Variants in DHX57 observed in about 807,000 individuals in gnomAD.
DHX57 encodes the protein putative ATP-dependent RNA helicase DHX57.
In DHX57, 105 loss-of-function variants were observed where a neutral mutation model predicts 156.2. That is an observed-to-expected ratio of 0.67 (90% confidence interval 0.57 to 0.79). The LOEUF is 0.79. Ranked by LOEUF, DHX57 falls within the 30% of genes least tolerant of loss-of-function variation. The pLI, the probability that DHX57 is intolerant of heterozygous loss-of-function variation, is 0.00. For synonymous variants in DHX57, 704 were observed against 595.6 expected (o/e 1.18, Z -2.65); for missense variants, 1,847 against 1,661.9 (o/e 1.11, Z -1.94).
At chr2:38,845,217 A>C (rs1311392363) in intron 11 of DHX57, among the ~76,000 whole-genome samples, 1 of 151,942 alleles carries the variant, frequency 6.6e-6, no homozygotes, top group Non-Finnish European at 1.5e-5. Flanking sequence ...AAACAAACAA[A>C]AAAAAACCCA....
chr2:38,833,791 G>C (rs1558378361), intron 13 of DHX57, among the ~76,000 whole-genome samples: 1 of 151,812 alleles, frequency 6.6e-6, no homozygotes, highest in African/African-American at 2.4e-5. Flanking sequence ...TTGGAGATTT[G>C]TGACAATTTG....
intron 9 of DHX57, among the ~76,000 whole-genome samples, chr2:38,849,651 C>T (rs1286212226): frequency 6.6e-6 from 1 of 152,194 alleles, no homozygotes; most frequent in Non-Finnish European, 1.5e-5. Flanking sequence ...ACGGTCTACA[C>T]CCCATGCTCC....
intron 16 of DHX57, among the ~76,000 whole-genome samples, chr2:38,824,598 C>T (rs931485487): frequency 1.8e-4 from 28 of 152,066 alleles, no homozygotes; most frequent in African/African-American, 6.3e-4. Flanking sequence ...AAGGTTTAAA[C>T]GATCCACTTA....
At chr2:38,808,926 T>C (rs377181092) in intron 21 of DHX57, among the ~76,000 whole-genome samples, 188 of 151,958 alleles carry the variant, frequency 1.2e-3, no homozygotes, top group African/African-American at 4.3e-3. Context: ...ACCTGGCCTA[T>C]TTTTAATTTC....
rs748357301 is a variant in DHX57, at chr2:38,862,235, AAG to A, written c.480_481del (p.Leu161GlyfsTer36). 6.2e-7 allele frequency: 1 copy of A among 1,613,900 alleles called. No individual in the cohort carries two copies. Among genetic ancestry groups the A allele is most frequent in the African/African-American group, 1.3e-5 (1 of 74,942 alleles). The stretch of plus-strand genomic sequence containing the variant: ...TAAGCCAGCATATTCCAAAGGATCC[AAG>A]TCGGGAACGAGGGAAGGTTCCTGTC... On this transcript the variant is annotated frameshift_variant, in exon 4 of 24. Coordinates refer to ENST00000457308, the MANE Select transcript of DHX57 (RefSeq NM_198963.3). LOFTEE classifies it high-confidence loss of function.
intron 21 of DHX57, chr2:38,810,306 GC>G: frequency 1.0e-5 from 3 of 287,934 alleles, no homozygotes; most frequent in Non-Finnish European, 2.1e-5. Context: ...CAAAGCTGGG[GC>G]CCGGCAGCCC....
Position 38,843,182 on chromosome 2 carries a change from T to C in DHX57, c.2248A>G (p.Met750Val). The C allele has an allele frequency of 1.2e-6, 2 of 1,614,166 alleles. No homozygotes were observed. Among genetic ancestry groups the C allele is most frequent in the Non-Finnish European group, 1.7e-6 (2 of 1,180,022 alleles). ...TTTGAAATCTGTTTCATGGACCGCA[T>C]ATATGGGCTCCCATCCTGTAATACA... is the stretch of plus-strand genomic sequence containing the variant. Reference protein sequence around the residue: ...RYVLQDGSPYMRSMKQISKEK... With the variant: ...RYVLQDGSPYVRSMKQISKEK... The change falls in exon 12 of 24, where the codon ATG becomes GTG. Residue 750 changes from methionine to valine, a missense_variant. Met to Val is a conservative substitution (Grantham distance 21). Coordinates refer to ENST00000457308, the MANE Select transcript of DHX57 (RefSeq NM_198963.3).
At chr2:38,855,405 C>T in intron 7 of DHX57, 153 bp from the exon 8 acceptor site, 1 of 780,388 alleles carries the variant, frequency 1.3e-6, no homozygotes, top group East Asian at 2.7e-5. Flanking sequence ...TGACTTATTA[C>T]CAAGAGGTGG....
intron 16 of DHX57, among the ~76,000 whole-genome samples, chr2:38,824,928 C>G (rs765688395): frequency 6.6e-5 from 10 of 152,146 alleles, no homozygotes; most frequent in Non-Finnish European, 1.5e-4. Context: ...GGATTACAGG[C>G]ATGAGCCACC....
At chr2:38,854,851 C>A (rs2373469) in intron 8 of DHX57, 36,355 of 462,048 alleles carry the variant, frequency 0.079, 1,666 homozygotes, top group African/African-American at 0.14. Flanking sequence ...TGTGAGCCAC[C>A]GCGCCTGGCC....
At chr2:38,839,176 C>T (rs1448461719) in intron 12 of DHX57, among the ~76,000 whole-genome samples, 2 of 151,588 alleles carry the variant, frequency 1.3e-5, no homozygotes, top group African/African-American at 2.4e-5. Flanking sequence ...GTGATCCACC[C>T]GCCTCGGCCT....
intron 21 of DHX57, among the ~76,000 whole-genome samples, chr2:38,809,443 G>C (rs1183886959): frequency 6.7e-6 from 1 of 149,216 alleles, no homozygotes; most frequent in Non-Finnish European, 1.5e-5. Context: ...GTAAAAAGAG[G>C]CTATTTCTTT....
Position 38,828,405 on chromosome 2 carries a change from T to C in DHX57, c.2574A>G (p.Ala858=). ...GAILVFLPGL[A]EIKMLYEQLQ... is the part of the protein sequence containing the mutation. ...GCTGTTCATAAAGCATTTTGATTTC[T>C]GCTAGTCCTGGTAAAAATACAAGTA... The change falls in exon 14 of 24, where the codon GCA becomes GCG. Residue 858 remains alanine (A), a synonymous_variant. Coordinates refer to ENST00000457308, the MANE Select transcript of DHX57 (RefSeq NM_198963.3). The C allele has an allele frequency of 6.2e-7, 1 of 1,613,576 alleles. No homozygotes were observed. Among genetic ancestry groups the C allele is most frequent in the South Asian group, 1.1e-5 (1 of 91,008 alleles).
chr2:38,842,661 TTCA>T (rs1672069094), intron 12 of DHX57, among the ~76,000 whole-genome samples: 1 of 151,760 alleles, frequency 6.6e-6, no homozygotes, highest in Non-Finnish European at 1.5e-5. Context: ...TATATGAGAG[TTCA>T]TCGTTTAGCC....
chr2:38,856,253 T>C, intron 7 of DHX57, 87 bp downstream of exon 7: 4 of 1,515,446 alleles, frequency 2.6e-6, no homozygotes, highest in Non-Finnish European at 2.6e-6. Flanking sequence ...CCAGCTACAG[T>C]TTTTAACAAG....
chr2:38,837,994 G>T, intron 12 of DHX57, 47 bp from the exon 13 acceptor site: 2 of 1,240,382 alleles, frequency 1.6e-6, no homozygotes, highest in Non-Finnish European at 1.2e-6. Flanking sequence ...ATACCTTGTT[G>T]ATGTATTTTA....
intron 5 of DHX57, among the ~76,000 whole-genome samples, 173 bp from the exon 6 acceptor site, chr2:38,859,009 T>A (rs548225652): frequency 7.2e-5 from 11 of 152,300 alleles, no homozygotes; most frequent in African/African-American, 2.6e-4. Context: ...GAACTTAAAA[T>A]GCATCCTCAA....
intron 12 of DHX57, among the ~76,000 whole-genome samples, chr2:38,842,379 C>T (rs1672053490): frequency 6.6e-6 from 1 of 152,168 alleles, no homozygotes; most frequent in African/African-American, 2.4e-5. Flanking sequence ...CAAAAATAAA[C>T]ATTACTGAGA....
Position 38,855,182 on chromosome 2 carries a change from C to A in DHX57, c.1780G>T (p.Ala594Ser), listed in dbSNP as rs547706396. ...CGGGGTTGGGTACAGATGATGTTGGCTACCTTCTCAGGTGGTCCATTCAGA... is the reference window on the plus strand; with the variant it reads ...CGGGGTTGGGTACAGATGATGTTGGATACCTTCTCAGGTGGTCCATTCAGA... ...DSLNGPPEKV[A>S]NIICTQPRRI... is the part of the protein sequence containing the mutation. The change falls in exon 8 of 24, where the codon GCC (alanine) becomes TCC (serine). Residue 594 changes from alanine (A) to serine (S), a missense_variant. Physicochemically the swap from Ala to Ser is moderately conservative, Grantham distance 99. Coordinates refer to ENST00000457308, the MANE Select transcript of DHX57 (RefSeq NM_198963.3). 6.2e-7 allele frequency: 1 copy of A among 1,614,148 alleles called. No homozygotes were observed. Among genetic ancestry groups the A allele is most frequent in the Non-Finnish European group, 8.5e-7 (1 of 1,180,024 alleles).
Sources: allele counts gnomAD v4.1 joint callset (sites outside exome capture counted in the v4.1 genomes callset), GRCh38; gene constraint gnomAD v4.1.1; transcripts MANE v1.5; gene names NCBI Gene and HGNC (gene_info 2026-07-23, HGNC 2026-07-21).